Variants in ITIH6 observed in about 807,000 individuals in gnomAD.
ITIH6 encodes the protein inter-alpha-trypsin inhibitor heavy chain family member 6, also known as inter-alpha-trypsin inhibitor heavy chain H6.
Under a neutral mutation model 58.2 loss-of-function variants are expected in ITIH6, and 60 were observed. That is an observed-to-expected ratio of 1.03 (90% confidence interval 0.84 to 1.28). ITIH6 has a LOEUF of 1.28. Ranked by LOEUF, ITIH6 falls within the 50% of genes most tolerant of loss-of-function variation. The probability of loss-of-function intolerance (pLI) is 0.00; values close to 1 mark genes in which losing one functional copy is unlikely to be tolerated. For missense variants in ITIH6, 1,290 were observed against 1,021.1 expected, an observed-to-expected ratio of 1.26 and a Z score of -3.59; for synonymous variants, 493 against 417.4, an observed-to-expected ratio of 1.18 and a Z score of -2.21.
chrX:54,768,693 G>A (rs1305762174), intron 6 of ITIH6, among the ~76,000 whole-genome samples: 1 of 105,275 alleles, frequency 9.5e-6, no homozygotes, highest in Non-Finnish European at 1.9e-5. Flanking sequence ...CTTTAAGAAT[G>A]TTGAATATTG....
chrX:54,756,114 A>T (rs974414404), intron 8 of ITIH6, among the ~76,000 whole-genome samples: 2 of 111,086 alleles, frequency 1.8e-5, no homozygotes, highest in Non-Finnish European at 3.8e-5. Flanking sequence ...GAGGATGGAT[A>T]GGATATTGGA....
chrX:54,796,553 A>G (rs1310981049), intron 2 of ITIH6, among the ~76,000 whole-genome samples: 7 of 110,184 alleles, frequency 6.4e-5, no homozygotes, highest in Admixed American at 2.9e-4. Flanking sequence ...GTGTGGTGGC[A>G]TGCGCCTGTA....
intron 5 of ITIH6, among the ~76,000 whole-genome samples, chrX:54,785,917 C>T (rs1435383841): frequency 9.0e-6 from 1 of 110,918 alleles, no homozygotes; most frequent in Non-Finnish European, 1.9e-5. Context: ...CCTGGGTGAC[C>T]TCCCTTTGTC....
intron 4 of ITIH6, among the ~76,000 whole-genome samples, chrX:54,790,259 T>C (rs995550115): frequency 4.6e-5 from 5 of 109,053 alleles, no homozygotes; most frequent in Non-Finnish European, 7.7e-5. Context: ...CCCATGCTAC[T>C]GAACCAGACC....
chrX:54,796,698 G>C (rs1297133075), intron 2 of ITIH6, among the ~76,000 whole-genome samples: 1 of 95,987 alleles, frequency 1.0e-5, no homozygotes, highest in Non-Finnish European at 2.1e-5. Flanking sequence ...AAAAAAAAAA[G>C]AAAGAAAGAA....
chrX:54,750,916 T>G, intron 12 of ITIH6, 87 bp downstream of exon 12: 2 of 944,782 alleles, frequency 2.1e-6, no homozygotes, highest in Non-Finnish European at 2.8e-6. Flanking sequence ...TCCTCTTCCT[T>G]GTTGGGGATA....
intron 7 of ITIH6, 59 bp from the exon 8 acceptor site, chrX:54,759,057 A>C: frequency 1.2e-6 from 1 of 849,803 alleles, no homozygotes; most frequent in Non-Finnish European, 1.6e-6. Context: ...CCCATTGCAG[A>C]CACACTGGGC....
At chrX:54,782,769 A>G (rs1306869636) in intron 5 of ITIH6, among the ~76,000 whole-genome samples, 1 of 112,133 alleles carries the variant, frequency 8.9e-6, no homozygotes, top group African/African-American at 3.2e-5. Context: ...ACAGTTAAAG[A>G]ATAACTAATA....
Position 54,757,593 on chromosome X carries a change from C to A in ITIH6, c.2481G>T (p.Arg827Ser). The change falls in exon 8 of 13, where the codon AGG becomes AGT. Residue 827 changes from arginine to serine, a missense_variant. Arg to Ser is a moderately radical substitution (Grantham distance 110, BLOSUM62 -1). Transcript: ENST00000218436. ...VPKYPLHTRP[R>S]VPAPKTRNNM... ...TGTTTCGGGTCTTGGGAGCAGGAACCCTAGGTCTGGTGTGTAGTGGGTACT... is the reference window on the plus strand; with the variant it reads ...TGTTTCGGGTCTTGGGAGCAGGAACACTAGGTCTGGTGTGTAGTGGGTACT... 1 of 1,210,600 alleles carries A rather than the reference C, an allele frequency of 8.3e-7. No homozygotes were observed.
intron 8 of ITIH6, among the ~76,000 whole-genome samples, chrX:54,755,595 G>A (rs746696568): frequency 4.5e-5 from 5 of 110,694 alleles, no homozygotes; most frequent in African/African-American, 6.6e-5. Flanking sequence ...AGTTCGAAGG[G>A]CAATGGAAGG....
At chrX:54,766,074 G>A (rs1220116869) in intron 6 of ITIH6, among the ~76,000 whole-genome samples, 1 of 110,706 alleles carries the variant, frequency 9.0e-6, no homozygotes, top group East Asian at 2.8e-4. Context: ...TCCTTGAGCA[G>A]TGGTTTGTAG....
Position 54,751,321 on chromosome X carries a change from T to C in ITIH6, c.3412A>G (p.Thr1138Ala), listed in dbSNP as rs779036911. 41 of 1,209,963 alleles carry C rather than the reference T, an allele frequency of 3.4e-5. No individual in the cohort carries two copies. The highest frequency in any genetic ancestry group is 4.6e-5 in the Non-Finnish European group (41 of 895,106). The change falls in exon 12 of 13, where the codon ACT (threonine) becomes GCT (alanine). Residue 1138 changes from threonine to alanine, a missense_variant. Physicochemically the swap from Thr to Ala is moderately conservative, Grantham distance 58. Transcript: ENST00000218436. The stretch of plus-strand genomic sequence containing the variant: ...GTGATGATCTGGAAGTAGGTGCGAG[T>C]CTGGTCCTTGTGGCCCGGCCTTGGT... ...APPRPGHKDQ[T>A]RTYFQIITVT...
chrX:54,796,683 CA>C (rs11368671), intron 2 of ITIH6, among the ~76,000 whole-genome samples: 144 of 78,251 alleles, frequency 1.8e-3, no homozygotes, highest in East Asian at 0.01. Context: ...GACTCCATGT[CA>C]AAAAAAAAAA....
chrX:54,791,118 A>C, intron 3 of ITIH6, 34 bp from the exon 4 acceptor site: 3 of 1,201,137 alleles, frequency 2.5e-6, no homozygotes, highest in Non-Finnish European at 3.4e-6. Flanking sequence ...GGGAAGAGAA[A>C]GGGACCTTCA....
At chrX:54,772,241 T>C (rs1319451781) in intron 6 of ITIH6, among the ~76,000 whole-genome samples, 1 of 112,404 alleles carries the variant, frequency 8.9e-6, no homozygotes, top group Non-Finnish European at 1.9e-5. Context: ...AGTGAATTAA[T>C]GCAAGAGCAG....
chrX:54,784,088 A>G (rs1030728095), intron 5 of ITIH6, among the ~76,000 whole-genome samples: 1 of 112,035 alleles, frequency 8.9e-6, no homozygotes, highest in Non-Finnish European at 1.9e-5. Context: ...CATTGGGGAA[A>G]GAACAGTCGC....
intron 6 of ITIH6, among the ~76,000 whole-genome samples, chrX:54,770,334 G>A (rs1044288048): frequency 2.0e-4 from 22 of 112,534 alleles, no homozygotes; most frequent in South Asian, 3.7e-4. Context: ...GAAATCACCC[G>A]TCTTATGCGT....
chrX:54,767,430 T>C (rs1340582742), intron 6 of ITIH6, among the ~76,000 whole-genome samples: 71 of 104,116 alleles, frequency 6.8e-4, no homozygotes, highest in African/African-American at 2.5e-3. Flanking sequence ...TGCCTTCTGC[T>C]AGCTTTTGAA....
intron 9 of ITIH6, 88 bp downstream of exon 9, chrX:54,754,929 C>T: frequency 8.8e-6 from 6 of 684,461 alleles, no homozygotes; most frequent in Non-Finnish European, 1.4e-5. Flanking sequence ...ACATTACTTC[C>T]CTCTGGTCTC....
Sources: gnomAD v4.1 joint callset for allele counts (sites outside exome capture counted in the v4.1 genomes callset) on GRCh38, gnomAD v4.1.1 for gene constraint, MANE v1.5 for transcripts, NCBI Gene and HGNC (gene_info 2026-07-23, HGNC 2026-07-21) for gene names.